Variants in CEP43 observed in about 807,000 individuals in gnomAD.
CEP43 encodes centrosomal protein 43.
CEP43 carries 36 observed loss-of-function variants against 52.6 expected under a neutral mutation model. The ratio of observed to expected loss-of-function variants is 0.68; its 90% CI spans 0.52 to 0.90. The LOEUF (loss-of-function observed/expected upper bound fraction) is 0.90. Ranked by LOEUF, CEP43 falls within the 40% of genes least tolerant of loss-of-function variation. CEP43 has a pLI of 0.00. For missense variants in CEP43, 506 were observed against 472.8 expected (o/e 1.07, Z -0.65); for synonymous variants, 192 against 172.4 (o/e 1.11, Z -0.89).
intron 10 of CEP43, chr6:167,028,320 GT>G: frequency 1.0e-6 from 1 of 985,412 alleles, no homozygotes; most frequent in Non-Finnish European, 1.2e-6. Context: ...GGGCTGCAGA[GT>G]TGCTGGGTAC....
In CEP43 at chr6:167,047,707, C is replaced by A. The variant is rs191285019; in HGVS notation, c.*7729C>A. On this transcript the variant is annotated 3_prime_UTR_variant, in exon 13 of 13. Transcript: ENST00000366847. Reference sequence around the variant, plus strand: ...GATGTCACTTCCTCCTCAAAGCTCTCGCCCCGCGCCGAGCTACTGTGATGT... The same window carrying A: ...GATGTCACTTCCTCCTCAAAGCTCTAGCCCCGCGCCGAGCTACTGTGATGT... The A allele has an allele frequency of 2.0e-4, 31 of 152,278 alleles. No homozygotes were observed. Among genetic ancestry groups the A allele is most frequent in the African/African-American group, 7.5e-4 (31 of 41,554 alleles). 9.4% of individuals were successfully genotyped at this position (152,278 alleles called of 1,614,324 possible).
chr6:167,000,484 A>G (rs1402152344), intron 2 of CEP43, among the ~76,000 whole-genome samples: 2 of 152,228 alleles, frequency 1.3e-5, no homozygotes, highest in South Asian at 2.1e-4. Context: ...ACTTTTCCCA[A>G]AATTATCTGA....
chr6:167,013,972 A>T (rs1284433355), intron 7 of CEP43, among the ~76,000 whole-genome samples: 1 of 152,196 alleles, frequency 6.6e-6, no homozygotes, highest in Non-Finnish European at 1.5e-5. Context: ...GACTCTGTCT[A>T]AAAAAACAAA....
chr6:167,028,707 G>A (rs73028298), intron 10 of CEP43, among the ~76,000 whole-genome samples: 3,084 of 152,196 alleles, frequency 0.02, 53 homozygotes, highest in East Asian at 0.092. Context: ...TTTTACAGAT[G>A]AAGAATCTAG....
chr6:167,028,011 C>A (rs1780390733), intron 10 of CEP43: 1 of 985,660 alleles, frequency 1.0e-6, no homozygotes, highest in African/African-American at 1.7e-5. Flanking sequence ...TGCCTCCTTT[C>A]CCTCCCTTGT....
At position 167,044,183 on chromosome 6, in the gene CEP43, G is replaced by T. The variant is rs982815053; in HGVS notation, c.*4205G>T. 1 of 153,566 alleles carries T rather than the reference G, an allele frequency of 6.5e-6. No individual in the cohort carries two copies. Among genetic ancestry groups the T allele is most frequent in the South Asian group, 2.1e-4 (1 of 4,860 alleles). 9.5% of individuals were successfully genotyped at this position (153,566 alleles called of 1,614,324 possible). Reference sequence around the variant, plus strand: ...TTCTTTATAAATTATCCAGTCCAAGGTACTTTAGGAACCTGAATGGATTAA... The same window carrying T: ...TTCTTTATAAATTATCCAGTCCAAGTTACTTTAGGAACCTGAATGGATTAA... On this transcript the variant is annotated 3_prime_UTR_variant, in exon 13 of 13. Coordinates refer to ENST00000366847, the MANE Select transcript of CEP43 (RefSeq NM_007045.4).
intron 8 of CEP43, among the ~76,000 whole-genome samples, chr6:167,023,591 G>C (rs1207027047): frequency 2.6e-5 from 4 of 152,154 alleles, no homozygotes; most frequent in Admixed American, 2.6e-4. Flanking sequence ...GGAGAGGTCT[G>C]AGCTGGAGAT....
At chr6:167,034,833 A>G (rs1444861109) in intron 12 of CEP43, among the ~76,000 whole-genome samples, 2 of 152,232 alleles carry the variant, frequency 1.3e-5, no homozygotes, top group East Asian at 1.9e-4. Context: ...TGATAGGATT[A>G]TTTTGAAGGT....
intron 9 of CEP43, 139 bp from the exon 10 acceptor site, chr6:167,026,408 G>GTTTAT: frequency 1.5e-6 from 1 of 650,812 alleles, no homozygotes. Flanking sequence ...ATTAATCACA[G>GTTTAT]TTTATTTTTT....
chr6:167,013,454 A>G, intron 6 of CEP43, 54 bp from the exon 7 acceptor site: 7 of 1,456,224 alleles, frequency 4.8e-6, no homozygotes, highest in Non-Finnish European at 5.7e-6. Flanking sequence ...GAGTTAGTTT[A>G]TTTTTTAAAG....
rs550471183 is a variant in CEP43 at position 167,018,198 on chromosome 6, C to G, written c.580-4211C>G. Among the ~76,000 whole-genome samples, 4 of 152,266 alleles carry G rather than the reference C, an allele frequency of 2.6e-5. No homozygotes were observed. The East Asian group carries it at 7.7e-4, about 29-fold the overall frequency. On this transcript the variant is annotated intron_variant, in intron 7 of 12. Coordinates refer to ENST00000366847, the MANE Select transcript of CEP43 (RefSeq NM_007045.4). ...ACCACTCATTAGGTTAGGACCCAGG[C>G]CCACCCTACTCTTTGAATGGACTCA...
Position 167,040,293 on chromosome 6 carries a change from T to G in CEP43, c.*315T>G, listed in dbSNP as rs923641457. ...AGTGTTAAGAGCATGATGAAAGGTG[T>G]CAATAAAGCCGTAGGATCGCGCAAC... On this transcript the variant is annotated 3_prime_UTR_variant, in exon 13 of 13. Coordinates refer to ENST00000366847, the MANE Select transcript of CEP43 (RefSeq NM_007045.4). 2 of 1,458,950 alleles carry G rather than the reference T, an allele frequency of 1.4e-6. No individual in the cohort carries two copies. Among genetic ancestry groups the G allele is most frequent in the African/African-American group, 2.8e-5 (2 of 70,232 alleles). The allele number at this position is 1,458,950 out of a possible 1,614,324, so 90.4% of individuals were successfully genotyped here.
chr6:167,042,243 A>AGGTTTTGCATGTGATGAGTGTTTTG lies in CEP43; in HGVS notation c.*2289_*2290insGGGTTTTGCATGTGATGAGTGTTTT. The AGGTTTTGCATGTGATGAGTGTTTTG allele has an allele frequency of 6.0e-6, 6 of 1,006,548 alleles. No individual in the cohort carries two copies. The highest frequency in any genetic ancestry group is 5.9e-6 in the Non-Finnish European group (5 of 841,582). 62.4% of individuals were successfully genotyped at this position (1,006,548 alleles called of 1,614,324 possible). ...ATGAAACTTGAAGATGTGAAGTGACAGGTTTTGCATGTGATGAGTGTTTTC... is the reference window on the plus strand; with the variant it reads ...ATGAAACTTGAAGATGTGAAGTGACAGGTTTTGCATGTGATGAGTGTTTTGGGTTTTGCATGTGATGAGTGTTTTC... On this transcript the variant is annotated 3_prime_UTR_variant, in exon 13 of 13. Coordinates refer to ENST00000366847, the MANE Select transcript of CEP43 (RefSeq NM_007045.4).
intron 12 of CEP43, among the ~76,000 whole-genome samples, chr6:167,038,111 C>G (rs756950385): frequency 8.5e-5 from 13 of 152,208 alleles, no homozygotes; most frequent in Non-Finnish European, 1.3e-4. Context: ...ATTATGCTTA[C>G]ATATCTATTA....
At chr6:167,020,282 T>C (rs1051670756) in intron 7 of CEP43, among the ~76,000 whole-genome samples, 2 of 152,246 alleles carry the variant, frequency 1.3e-5, no homozygotes, top group African/African-American at 4.8e-5. Flanking sequence ...ATGGAATGTG[T>C]AGCTCTCTAG....
Position 167,038,344 on chromosome 6 carries a change from A to G in CEP43, c.1126-1560A>G, listed in dbSNP as rs747905257. Among the ~76,000 whole-genome samples, 114 of 151,704 alleles carry G rather than the reference A, an allele frequency of 7.5e-4. 4 individuals are homozygous for G. The highest frequency in any genetic ancestry group is 2.1e-4 in the Non-Finnish European group (14 of 67,892). ...ATCTGGCTTCAGGTGGCACAGTGTT[A>G]AAGTGTGTCACACCATGTCGAGTTT... On this transcript the variant is annotated intron_variant, in intron 12 of 12. Transcript: ENST00000366847.
intron 2 of CEP43, among the ~76,000 whole-genome samples, chr6:167,001,017 T>C (rs1779723015): frequency 6.6e-6 from 1 of 152,230 alleles, no homozygotes; most frequent in African/African-American, 2.4e-5. Flanking sequence ...GCAGCTCTCT[T>C]CTTCACCCTA....
rs162298 is a variant in CEP43, at chr6:167,042,141, G to C, written c.*2163G>C. 2.0e-6 allele frequency: 2 copies of C among 1,005,830 alleles called. No homozygotes were observed. The highest frequency in any genetic ancestry group is 2.4e-6 in the Non-Finnish European group (2 of 840,884). The allele number at this position is 1,005,830 out of a possible 1,614,324, so 62.3% of individuals were successfully genotyped here. On this transcript the variant is annotated 3_prime_UTR_variant, in exon 13 of 13. Transcript: ENST00000366847. ...CAGTACTACATCCATTTTATTGAATGATTTTGAATGACTTAAAGTTCAACT... is the reference window on the plus strand; with the variant it reads ...CAGTACTACATCCATTTTATTGAATCATTTTGAATGACTTAAAGTTCAACT...
chr6:167,034,627 G>A (rs1780546364), intron 12 of CEP43, among the ~76,000 whole-genome samples: 1 of 152,196 alleles, frequency 6.6e-6, no homozygotes, highest in Admixed American at 6.5e-5. Context: ...CCAGAACATG[G>A]TGGGATTCTC....
Sources: allele counts gnomAD v4.1 joint callset (sites outside exome capture counted in the v4.1 genomes callset), GRCh38; gene constraint gnomAD v4.1.1; transcripts MANE v1.5; gene names NCBI Gene and HGNC (gene_info 2026-07-23, HGNC 2026-07-21).